DNAH10: variants seen among roughly 807,000 people sequenced by gnomAD.
DNAH10 encodes the protein axonemal beta dynein heavy chain 10.
Under a neutral mutation model 506.6 loss-of-function variants are expected in DNAH10, and 348 were observed. The observed-to-expected ratio is 0.69, with a 90% CI of 0.63 to 0.75. DNAH10 has a LOEUF of 0.75. Among genes scored for constraint, DNAH10 ranks in the 30% least tolerant of loss-of-function variants. DNAH10 has a pLI of 0.00. For synonymous variants in DNAH10, 2,059 were observed against 2,198.6 expected (o/e 0.94, Z 1.78); for missense variants, 5,179 against 5,787.1 (o/e 0.89, Z 3.41).
chr12:123,834,812 G>T (rs1960962836), intron 27 of DNAH10, among the ~76,000 whole-genome samples: 1 of 152,232 alleles, frequency 6.6e-6, no homozygotes, highest in African/African-American at 2.4e-5. Context: ...CACTTAGCGT[G>T]ATGTTTTCCA....
At chr12:123,824,719 G>C (rs552744273) in intron 24 of DNAH10, among the ~76,000 whole-genome samples, 1 of 152,212 alleles carries the variant, frequency 6.6e-6, no homozygotes, top group East Asian at 1.9e-4. Context: ...CGTGGCTTGC[G>C]GCTGTGTTGC....
At chr12:123,772,809 A>G in intron 3 of DNAH10, 25 bp from the exon 4 acceptor site, 6 of 1,545,390 alleles carry the variant, frequency 3.9e-6, no homozygotes, top group Non-Finnish European at 5.3e-6. Context: ...ACAAGAATGA[A>G]TGGTTTTTGT....
intron 56 of DNAH10, among the ~76,000 whole-genome samples, chr12:123,899,515 AC>A (rs1203401817): frequency 2.0e-5 from 3 of 151,926 alleles, no homozygotes; most frequent in Admixed American, 2.0e-4. Flanking sequence ...TTGTCATTGC[AC>A]CCGGCCCTGT....
intron 77 of DNAH10, 105 bp from the exon 78 acceptor site, chr12:123,934,516 G>A (rs867812382): frequency 3.5e-6 from 5 of 1,439,864 alleles, no homozygotes; most frequent in Middle Eastern, 1.8e-4. Context: ...CTGGGGAGGA[G>A]GCCAGCCAGT....
In DNAH10 at chr12:123,859,238, TC is replaced by T. The variant is rs760885838; in HGVS notation, c.6720del (p.Ile2241LeufsTer13). 18 of 1,609,314 alleles carry T rather than the reference TC, an allele frequency of 1.1e-5. No individual in the cohort carries two copies. In the African/African-American group the frequency reaches 2.3e-4, roughly 20 times the overall value. On this transcript the variant is annotated frameshift_variant, in exon 38 of 79. Transcript: ENST00000673944. LOFTEE classifies it high-confidence loss of function. ...CCCACCAGAGGGGGCAAGTCCGTCG[TC>T]ATTAACACTCTGTGTCAGGCCCAGA... ...VGPTRGGKSV[V>X]INTLCQAQTK...
At chr12:123,789,834 C>T in intron 10 of DNAH10, 93 bp from the exon 11 acceptor site, 1 of 1,191,922 alleles carries the variant, frequency 8.4e-7, no homozygotes. Flanking sequence ...ATTCTTGCCC[C>T]CAGGTCAGTC....
At chr12:123,818,544 G>A (rs1212432409) in intron 21 of DNAH10, among the ~76,000 whole-genome samples, 2 of 151,972 alleles carry the variant, frequency 1.3e-5, no homozygotes, top group Non-Finnish European at 2.9e-5. Context: ...GGCTGGTCTC[G>A]AACTCCTGAC....
Position 123,879,302 on chromosome 12 carries a change from A to G in DNAH10, c.8411A>G (p.Asn2804Ser), listed in dbSNP as rs1454239047. The G allele has an allele frequency of 6.3e-7, 1 of 1,581,040 alleles. No homozygotes were observed. Among genetic ancestry groups the G allele is most frequent in the Admixed American group, 1.8e-5 (1 of 55,160 alleles). The change falls in exon 49 of 79, where the codon AAT becomes AGT. Residue 2804 changes from asparagine to serine, a missense_variant. Asn to Ser is a conservative substitution (Grantham distance 46). Coordinates refer to ENST00000673944, the MANE Select transcript of DNAH10 (RefSeq NM_001372106.1). ...GCCCAGATGGTGAGAGTCTGGAGGA[A>G]TGAGTGTCTGAGAGTCTTCCACGAC... The part of the protein sequence containing the change: ...TVAQMVRVWR[N>S]ECLRVFHDRL...
chr12:123,847,296 C>T (rs748672216), intron 32 of DNAH10, among the ~76,000 whole-genome samples: 21 of 150,218 alleles, frequency 1.4e-4, no homozygotes, highest in Admixed American at 4.0e-4. Context: ...TTTATCATCT[C>T]GATCATCTAT....
intron 18 of DNAH10, among the ~76,000 whole-genome samples, 178 bp downstream of exon 18, chr12:123,805,218 CCT>C (rs1204004225): frequency 6.6e-6 from 1 of 151,070 alleles, no homozygotes; most frequent in East Asian, 1.9e-4. Context: ...TTGTTAGGCC[CCT>C]CAACATTCCA....
chr12:123,787,820 G>C lies in DNAH10; in HGVS notation c.1438G>C (p.Ala480Pro). ...RTLFKENRAS[A>P]QSKTLEARNT... ...GCTTCGCAGAGAAAATCGAGCGAGT[G>C]CCCAAAGCAAAACCTTGGAAGCCAG... Residue 480 changes from alanine to proline, a missense_variant, in exon 10 of 79, where the codon GCC (alanine) becomes CCC (proline). This residue lies in a region of DNAH10 where 4,844 missense variants were observed against 5,430.5 expected (regional missense o/e 0.89). Coordinates refer to ENST00000673944, the MANE Select transcript of DNAH10 (RefSeq NM_001372106.1). The surrounding 1 kb of genome is among the most constrained non-coding windows in gnomAD (Gnocchi z 4.6). The C allele has an allele frequency of 6.2e-7, 1 of 1,613,928 alleles. No individual in the cohort carries two copies. Among genetic ancestry groups the C allele is most frequent in the Non-Finnish European group, 8.5e-7 (1 of 1,179,968 alleles).
chr12:123,853,086 G>A lies in DNAH10; in HGVS notation c.6292-120G>A. 1.8e-6 allele frequency: 2 copies of A among 1,114,504 alleles called. No homozygotes were observed. The highest frequency in any genetic ancestry group is 2.6e-5 in the East Asian group (1 of 37,780). The allele number at this position is 1,114,504 out of a possible 1,614,324, so 69.0% of individuals were successfully genotyped here. ...AGTTAGAGATGGAATTTGCTTATTT[G>A]TAGAGCAGCTGCACTGGAACACCTG... On this transcript the variant is annotated intron_variant, in intron 35 of 78. Coordinates refer to ENST00000673944, the MANE Select transcript of DNAH10 (RefSeq NM_001372106.1). The surrounding 1 kb of genome is among the most constrained non-coding windows in gnomAD (Gnocchi z 4.7).
chr12:123,787,856 A>G lies in DNAH10; in HGVS notation c.1474A>G (p.Arg492Gly), dbSNP rs1411090488. The G allele has an allele frequency of 8.7e-6, 14 of 1,614,050 alleles. No individual in the cohort carries two copies. The highest frequency in any genetic ancestry group is 1.2e-5 in the Non-Finnish European group (14 of 1,180,002). The change falls in exon 10 of 79, where the codon AGG (arginine) becomes GGG (glycine). Residue 492 changes from arginine (R) to glycine (G), a missense_variant. Arg to Gly is a moderately radical substitution (Grantham distance 125, BLOSUM62 -2). Transcript: ENST00000673944. This position sits in a 1 kb window ranked among gnomAD's most constrained non-coding sequence, Gnocchi z 4.6. ...AACCTTGGAAGCCAGGAACACCCTC[A>G]GGCTGTGGAAAAAGGCCTATTTTGA... Reference protein sequence around the residue: ...SKTLEARNTLRLWKKAYFDTR... With the variant: ...SKTLEARNTLGLWKKAYFDTR...
In DNAH10 at chr12:123,868,082, C is replaced by T. The variant is rs765600612; in HGVS notation, c.7482C>T (p.Asp2494=). Residue 2494 remains aspartate, a synonymous_variant, in exon 43 of 79, where the codon GAC becomes GAT. Coordinates refer to ENST00000673944, the MANE Select transcript of DNAH10 (RefSeq NM_001372106.1). The part of the protein sequence containing the change: ...IKRLASLSTV[D]TEGVWANPGE... ...GCCTTGCTTCTTTGTCTACTGTTGA[C>T]ACAGAAGGAGTTTGGGCCAACCCTG... 1.9e-6 allele frequency: 3 copies of T among 1,613,556 alleles called. No homozygotes were observed. The highest frequency in any genetic ancestry group is 8.5e-7 in the Non-Finnish European group (1 of 1,179,874).
chr12:123,787,849 C>T lies in DNAH10; in HGVS notation c.1467C>T (p.Asn489=), dbSNP rs939803008. The change falls in exon 10 of 79, where the codon AAC becomes AAT. Residue 489 remains asparagine, a synonymous_variant. Transcript: ENST00000673944. This position sits in a 1 kb window ranked among gnomAD's most constrained non-coding sequence, Gnocchi z 4.6. ...SAQSKTLEAR[N]TLRLWKKAYF... ...AAAGCAAAACCTTGGAAGCCAGGAA[C>T]ACCCTCAGGCTGTGGAAAAAGGCCT... 3.1e-6 allele frequency: 5 copies of T among 1,613,966 alleles called. No individual in the cohort carries two copies. Among genetic ancestry groups the T allele is most frequent in the African/African-American group, 1.3e-5 (1 of 74,944 alleles).
chr12:123,831,754 TGTGGTGCC>T (rs1263674700), intron 26 of DNAH10, among the ~76,000 whole-genome samples: 1,432 of 60,960 alleles, frequency 0.023, 14 homozygotes, highest in African/African-American at 0.069. Flanking sequence ...ATTAGCCGGG[TGTGGTGCC>T]GGGTGTGGTG....
In DNAH10 at chr12:123,916,688, A is replaced by C. The variant is rs753447791; in HGVS notation, c.10954A>C (p.Arg3652=). The C allele has an allele frequency of 1.2e-6, 2 of 1,613,802 alleles. No individual in the cohort carries two copies. Among genetic ancestry groups the C allele is most frequent in the Non-Finnish European group, 1.7e-6 (2 of 1,179,798 alleles). The change falls in exon 63 of 79, where the codon AGA becomes CGA. Residue 3652 remains arginine (R), a synonymous_variant. Transcript: ENST00000673944. This position sits in a 1 kb window ranked among gnomAD's most constrained non-coding sequence, Gnocchi z 4.6. Reference sequence around the variant, plus strand: ...CCTGAACACCAAGCTGGCCAATCCCAGATATTCCCCATCCGTGTTTGGGAA... The same window carrying C: ...CCTGAACACCAAGCTGGCCAATCCCCGATATTCCCCATCCGTGTTTGGGAA... The part of the protein sequence containing the change: ...LYLNTKLANP[R]YSPSVFGKAM...
At chr12:123,800,583 G>A (rs900945217) in intron 15 of DNAH10, among the ~76,000 whole-genome samples, 195 bp downstream of exon 15, 20 of 152,002 alleles carry the variant, frequency 1.3e-4, no homozygotes, top group Admixed American at 1.2e-3. Flanking sequence ...CTACTTGGGA[G>A]GCTTAGGTGG....
chr12:123,843,175 A>G (rs1950829978), intron 30 of DNAH10, among the ~76,000 whole-genome samples: 1 of 152,210 alleles, frequency 6.6e-6, no homozygotes, highest in African/African-American at 2.4e-5. Context: ...TCTCATCCAG[A>G]TGCTCCTTTG....
Sources: gnomAD v4.1 joint callset for allele counts (sites outside exome capture counted in the v4.1 genomes callset) on GRCh38, gnomAD v4.1.1 for gene constraint, gnomAD v4.1.1 regional missense constraint, Gnocchi (gnomAD v3.1) non-coding constraint, MANE v1.5 for transcripts, NCBI Gene and HGNC (gene_info 2026-07-23, HGNC 2026-07-21) for gene names.